Variants in THSD4 observed in about 807,000 individuals in gnomAD.
THSD4 encodes the protein thrombospondin type 1 domain containing 4, also known as thrombospondin type-1 domain-containing protein 4.
A neutral mutation model predicts 119.0 loss-of-function variants in THSD4; 69 were observed. The ratio of observed to expected loss-of-function variants is 0.58; its 90% CI spans 0.48 to 0.71. The LOEUF (loss-of-function observed/expected upper bound fraction) is 0.71. Ranked by LOEUF, THSD4 falls within the 30% of genes least tolerant of loss-of-function variation. THSD4 has a pLI of 0.00. For missense variants in THSD4, 1,393 were observed against 1,391.1 expected, an observed-to-expected ratio of 1.00 and a Z score of -0.02; for synonymous variants, 524 against 540.4, an observed-to-expected ratio of 0.97 and a Z score of 0.42.
At chr15:71,548,092 G>A (rs2048867318) in intron 7 of THSD4, among the ~76,000 whole-genome samples, 1 of 128,734 alleles carries the variant, frequency 7.8e-6, no homozygotes, top group Non-Finnish European at 1.6e-5. Flanking sequence ...TGATTGTTGG[G>A]TACAGTTTTT....
intron 6 of THSD4, among the ~76,000 whole-genome samples, chr15:71,362,650 A>G (rs1359211888): frequency 2.6e-5 from 4 of 152,176 alleles, no homozygotes; most frequent in Admixed American, 6.5e-5. Flanking sequence ...ATTTTGCAAT[A>G]AAAAAGAAAA....
upstream of THSD4, chr15:71,111,630 A>G (rs1312118121): frequency 1.7e-6 from 1 of 583,384 alleles, no homozygotes; most frequent in African/African-American, 1.9e-5. Context: ...GTTTACAACC[A>G]GGAAAATGAA....
Position 71,777,505 on chromosome 15 carries a change from T to G in THSD4, c.*131T>G. 1 of 1,279,104 alleles carries G rather than the reference T, an allele frequency of 7.8e-7. No homozygotes were observed. The highest frequency in any genetic ancestry group is 1.1e-6 in the Non-Finnish European group (1 of 946,416). The allele number at this position is 1,279,104 out of a possible 1,614,324, so 79.2% of individuals were successfully genotyped here. On this transcript the variant is annotated 3_prime_UTR_variant, in exon 18 of 18. Transcript: ENST00000261862. ...TGCCAACCAACTTAGTCACCACCCC[T>G]GCCTCCGGTGAATGCACCCCGTGGT... is the stretch of plus-strand genomic sequence containing the variant.
At chr15:71,702,668 T>C (rs1023850216) in intron 8 of THSD4, among the ~76,000 whole-genome samples, 2 of 152,158 alleles carry the variant, frequency 1.3e-5, no homozygotes, top group Non-Finnish European at 2.9e-5. Flanking sequence ...TGTCATGTCT[T>C]CATACCAAGT....
In THSD4 at chr15:71,164,650, A is replaced by T; in HGVS notation, c.99+9718A>T. On this transcript the variant is annotated intron_variant, in intron 3 of 17. Transcript: ENST00000261862. The stretch of plus-strand genomic sequence containing the variant: ...AACTATACAAAAAAAGACACTGTAC[A>T]GTTTAAAAACAAATCTTACACAGCC... The T allele has an allele frequency of 5.4e-6, 8 of 1,482,472 alleles. No homozygotes were observed. The South Asian group carries it at 8.3e-5, about 15-fold the overall frequency. 91.8% of individuals were successfully genotyped at this position (1,482,472 alleles called of 1,614,324 possible).
At chr15:71,702,465 A>G (rs1595876097) in intron 8 of THSD4, among the ~76,000 whole-genome samples, 1 of 152,158 alleles carries the variant, frequency 6.6e-6, no homozygotes, top group South Asian at 2.1e-4. Flanking sequence ...AATAAATTGT[A>G]TTAGATTTAA....
chr15:71,747,267 G>T (rs1340569071), intron 13 of THSD4, among the ~76,000 whole-genome samples: 1 of 152,158 alleles, frequency 6.6e-6, no homozygotes, highest in African/African-American at 2.4e-5. Flanking sequence ...AGTGAGCCCA[G>T]GGGGAGCCCT....
intron 7 of THSD4, among the ~76,000 whole-genome samples, chr15:71,508,969 C>T (rs2048237478): frequency 1.4e-5 from 2 of 138,858 alleles, no homozygotes; most frequent in Non-Finnish European, 1.5e-5. Context: ...GGAAGCATTT[C>T]TGAGAGAGAG....
intron 3 of THSD4, among the ~76,000 whole-genome samples, chr15:71,171,862 A>G (rs1333531090): frequency 1.3e-5 from 2 of 152,228 alleles, no homozygotes; most frequent in Non-Finnish European, 2.9e-5. Context: ...GAATTGGAAG[A>G]CGATCATAAA....
At chr15:71,598,933 A>G (rs141692505) in intron 7 of THSD4, among the ~76,000 whole-genome samples, 1 of 152,284 alleles carries the variant, frequency 6.6e-6, no homozygotes, top group African/African-American at 2.4e-5. Context: ...TATTTTTTAA[A>G]GATTGACAAA....
At chr15:71,231,758 G>A (rs2044063714) in intron 4 of THSD4, among the ~76,000 whole-genome samples, 1 of 152,074 alleles carries the variant, frequency 6.6e-6, no homozygotes, top group African/African-American at 2.4e-5. Flanking sequence ...AGGCGACCAG[G>A]GAAGCTTTCG....
In THSD4 at chr15:71,215,457, T is replaced by C. The variant is rs527938498; in HGVS notation, c.464+58T>C. 2.8e-5 allele frequency: 40 copies of C among 1,432,542 alleles called. No individual in the cohort carries two copies. The African/African-American group carries it at 5.3e-4, about 19-fold the overall frequency. The allele number at this position is 1,432,542 out of a possible 1,614,324, so 88.7% of individuals were successfully genotyped here. On this transcript the variant is annotated intron_variant, in intron 4 of 17. Coordinates refer to ENST00000261862, the MANE Select transcript of THSD4 (RefSeq NM_024817.3). ...GTCCCTGTCCCAGTATCTGCCCCTGTCCCTGCCCCTGCCTCGCACGCTGCT... is the reference window on the plus strand; with the variant it reads ...GTCCCTGTCCCAGTATCTGCCCCTGCCCCTGCCCCTGCCTCGCACGCTGCT...
intron 4 of THSD4, among the ~76,000 whole-genome samples, chr15:71,219,296 T>A (rs2140253894): frequency 6.6e-6 from 1 of 152,290 alleles, no homozygotes; most frequent in African/African-American, 2.4e-5. Flanking sequence ...CTGATTCCAA[T>A]CCAGCCAAGT....
chr15:71,370,751 T>A (rs1196680679), intron 6 of THSD4, among the ~76,000 whole-genome samples: 1 of 152,244 alleles, frequency 6.6e-6, no homozygotes, highest in African/African-American at 2.4e-5. Context: ...GAAGAATGTA[T>A]ATTCTGTTGA....
At chr15:71,716,408 T>A (rs745761579) in intron 8 of THSD4, among the ~76,000 whole-genome samples, 2 of 152,184 alleles carry the variant, frequency 1.3e-5, no homozygotes, top group Non-Finnish European at 2.9e-5. Flanking sequence ...TGTTTGGCCA[T>A]GCAATTACCA....
intron 6 of THSD4, among the ~76,000 whole-genome samples, chr15:71,342,136 T>TAA (rs59764881): frequency 2.0e-5 from 3 of 149,350 alleles, no homozygotes; most frequent in South Asian, 2.1e-4. Flanking sequence ...CGCTTCTTCA[T>TAA]AAAAAAAAAA....
intron 6 of THSD4, among the ~76,000 whole-genome samples, chr15:71,402,968 C>T (rs2046557294): frequency 1.3e-5 from 2 of 152,220 alleles, no homozygotes; most frequent in South Asian, 4.1e-4. Flanking sequence ...TTGTGTACAT[C>T]ATCTTTCAGT....
chr15:71,491,017 T>C (rs74659635), intron 7 of THSD4, among the ~76,000 whole-genome samples: 7,114 of 152,240 alleles, frequency 0.047, 290 homozygotes, highest in African/African-American at 0.12. Context: ...TGAACATGTT[T>C]GCATGTTCAT....
chr15:71,765,725 G>A (rs139439077), intron 16 of THSD4, among the ~76,000 whole-genome samples: 215 of 152,196 alleles, frequency 1.4e-3, no homozygotes, highest in African/African-American at 5.1e-3. Context: ...CAACTAGCAA[G>A]AACCCATCTC....
Sources: gnomAD v4.1 joint callset for allele counts (sites outside exome capture counted in the v4.1 genomes callset) on GRCh38, gnomAD v4.1.1 for gene constraint, MANE v1.5 for transcripts, NCBI Gene and HGNC (gene_info 2026-07-23, HGNC 2026-07-21) for gene names.